The following RIC8A variants were observed in gnomAD, a reference collection of about 807,000 sequenced individuals.
RIC8A encodes the protein RIC8 guanine nucleotide exchange factor A.
A neutral mutation model predicts 48.4 loss-of-function variants in RIC8A; 37 were observed. That is an observed-to-expected ratio of 0.77 (90% CI 0.59 to 1.01). The LOEUF (loss-of-function observed/expected upper bound fraction) is 1.01, where lower values mean the gene tolerates loss of function less well. RIC8A is among the 50% of genes least tolerant of loss of function. RIC8A has a pLI of 0.00. For missense variants in RIC8A, 681 were observed against 696.8 expected (o/e 0.98, Z 0.25); for synonymous variants, 288 against 283.4 (o/e 1.02, Z -0.16).
Position 211,485 on chromosome 11 carries a change from C to G in RIC8A, c.969+136C>G. On this transcript the variant is annotated intron_variant, in intron 5 of 9. Transcript: ENST00000526104. The surrounding 1 kb of genome is among the most constrained non-coding windows in gnomAD (Gnocchi z 4.0). ...TGGTGGTGTGATATGGGCGACTCTT[C>G]CGGTTGTTCTGTGGTCCAGCCTGGC... The G allele has an allele frequency of 2.1e-6, 2 of 972,714 alleles. No homozygotes were observed. Among genetic ancestry groups the G allele is most frequent in the Non-Finnish European group, 2.9e-6 (2 of 681,930 alleles). The allele number at this position is 972,714 out of a possible 1,614,324, so 60.3% of individuals were successfully genotyped here.
At position 212,595 on chromosome 11, in the gene RIC8A, A is replaced by C. The variant is rs1855390234; in HGVS notation, c.1066-20A>C. The C allele has an allele frequency of 6.2e-7, 1 of 1,613,584 alleles. No individual in the cohort carries two copies. The highest frequency in any genetic ancestry group is 1.3e-5 in the African/African-American group (1 of 74,934). On this transcript the variant is annotated intron_variant, in intron 6 of 9. Coordinates refer to ENST00000526104, the MANE Select transcript of RIC8A (RefSeq NM_001286134.2). ...CCTTGGCTGCTCTAAGCCCAAGCTTAGGGATGGCCACCTCCCCAGGTGCTG... is the reference window on the plus strand; with the variant it reads ...CCTTGGCTGCTCTAAGCCCAAGCTTCGGGATGGCCACCTCCCCAGGTGCTG...
At chr11:213,164 C>G (rs1449677970) in intron 8 of RIC8A, 135 bp from the exon 9 acceptor site, 1 of 1,410,424 alleles carries the variant, frequency 7.1e-7, no homozygotes, top group African/African-American at 1.4e-5. Context: ...GAGCTGGTTA[C>G]CTGTGCCGCT....
Position 208,579 on chromosome 11 carries a change from A to T in RIC8A, c.-276A>T. ...CGTTTCCTGTTGGAACTTCTGGCCCAAGAAGCGCGGGTCACAAGGAGAGGG... is the reference window on the plus strand; with the variant it reads ...CGTTTCCTGTTGGAACTTCTGGCCCTAGAAGCGCGGGTCACAAGGAGAGGG... On this transcript the variant is annotated 5_prime_UTR_variant, in exon 1 of 10. Transcript: ENST00000526104. This position sits in a 1 kb window ranked among gnomAD's most constrained non-coding sequence, Gnocchi z 4.8. The T allele has an allele frequency of 2.9e-6, 1 of 350,526 alleles. No individual in the cohort carries two copies. The highest frequency in any genetic ancestry group is 5.1e-6 in the Non-Finnish European group (1 of 195,388). 21.7% of individuals were successfully genotyped at this position (350,526 alleles called of 1,614,324 possible).
Position 209,499 on chromosome 11 carries a change from G to C in RIC8A, c.225G>C (p.Arg75=). 1 of 1,612,982 alleles carries C rather than the reference G, an allele frequency of 6.2e-7. No homozygotes were observed. Among genetic ancestry groups the C allele is most frequent in the Non-Finnish European group, 8.5e-7 (1 of 1,179,236 alleles). ...TGCAGAGTGTCCGAATCCTGTCCCG[G>C]GACCGCAACTGCCTGGACCCGTTCA... The part of the protein sequence containing the change: ...IWLQSVRILS[R]DRNCLDPFTS... Residue 75 remains arginine, a synonymous_variant, in exon 3 of 10, where the codon CGG becomes CGC. Coordinates refer to ENST00000526104, the MANE Select transcript of RIC8A (RefSeq NM_001286134.2).
chr11:212,624 C>G lies in RIC8A; in HGVS notation c.1075C>G (p.Pro359Ala), dbSNP rs905030761. 3.7e-6 allele frequency: 6 copies of G among 1,613,882 alleles called. No homozygotes were observed. Among genetic ancestry groups the G allele is most frequent in the African/African-American group, 1.3e-5 (1 of 74,934 alleles). Residue 359 changes from proline (P) to alanine (A), a missense_variant, in exon 7 of 10, where the codon CCT (proline) becomes GCT (alanine). Physicochemically the swap from Pro to Ala is conservative, Grantham distance 27 (BLOSUM62 -1). Coordinates refer to ENST00000526104, the MANE Select transcript of RIC8A (RefSeq NM_001286134.2). ...RKFLKAQVLP[P>A]LRDVRTRPEV... ...ATGGCCACCTCCCCAGGTGCTGCCC[C>G]CTCTGCGGGATGTGAGGACACGGCC... is the stretch of plus-strand genomic sequence containing the variant.
Position 209,713 on chromosome 11 carries a change from C to T in RIC8A, c.439C>T (p.Arg147Cys). The T allele has an allele frequency of 6.2e-7, 1 of 1,614,030 alleles. No homozygotes were observed. The highest frequency in any genetic ancestry group is 8.5e-7 in the Non-Finnish European group (1 of 1,180,020). ...EARLVVKLTE[R>C]VGLYRERSFP... Reference sequence around the variant, plus strand: ...CCGCCTAGTGGTGAAGCTCACAGAGCGTGTGGGGCTGTACCGTGAGAGGAG... The same window carrying T: ...CCGCCTAGTGGTGAAGCTCACAGAGTGTGTGGGGCTGTACCGTGAGAGGAG... Residue 147 changes from arginine to cysteine, a missense_variant, in exon 3 of 10, where the codon CGT becomes TGT. Physicochemically the swap from Arg to Cys is radical, Grantham distance 180. Transcript: ENST00000526104.
chr11:212,333 G>T, intron 5 of RIC8A, 83 bp from the exon 6 acceptor site: 1 of 1,350,574 alleles, frequency 7.4e-7, no homozygotes. Context: ...ATGTTGGTGG[G>T]AAGGGGTGGT....
In RIC8A at chr11:214,929, A is replaced by G. The variant is rs544868103; in HGVS notation, c.*579A>G. On this transcript the variant is annotated 3_prime_UTR_variant, in exon 10 of 10. Transcript: ENST00000526104. ...CTCCTTGGTCCTCGTTCAGCTGCCC[A>G]CTGTAGTATCCACAGTGCCCGAGTT... is the stretch of plus-strand genomic sequence containing the variant. 1 of 192,552 alleles carries G rather than the reference A, an allele frequency of 5.2e-6. No homozygotes were observed. Among genetic ancestry groups the G allele is most frequent in the Non-Finnish European group, 1.1e-5 (1 of 91,868 alleles). 11.9% of individuals were successfully genotyped at this position (192,552 alleles called of 1,614,324 possible). A position where few individuals can be genotyped will look rare whatever the true frequency, so the allele number is the denominator to read the frequency against.
intron 5 of RIC8A, chr11:212,082 G>A (rs527478862): frequency 9.3e-5 from 30 of 321,556 alleles, no homozygotes; most frequent in African/African-American, 5.9e-4. Context: ...CAATGTGTGT[G>A]CGAGTCTAAA....
rs529040565 is a variant in RIC8A, at chr11:208,019, G to A, written c.-836G>A. 1 of 152,490 alleles carries A rather than the reference G, an allele frequency of 6.6e-6. No homozygotes were observed. The highest frequency in any genetic ancestry group is 2.0e-4 in the South Asian group (1 of 4,936). The allele number at this position is 152,490 out of a possible 1,614,324, so 9.4% of individuals were successfully genotyped here. A position where few individuals can be genotyped will look rare whatever the true frequency, so the allele number is the denominator to read the frequency against. Reference sequence around the variant, plus strand: ...TAGACGCCTTTGCTCCCGGGCACTTGTTAGAAGAGCGAGTGGATCGCGCTT... The same window carrying A: ...TAGACGCCTTTGCTCCCGGGCACTTATTAGAAGAGCGAGTGGATCGCGCTT... On this transcript the variant is annotated 5_prime_UTR_variant, in exon 1 of 10. Transcript: ENST00000526104. This position sits in a 1 kb window ranked among gnomAD's most constrained non-coding sequence, Gnocchi z 4.8.
At position 212,078 on chromosome 11, in the gene RIC8A, G is replaced by C. The variant is rs1855372941; in HGVS notation, c.970-338G>C. On this transcript the variant is annotated intron_variant, in intron 5 of 9. Transcript: ENST00000526104. ...TGCCACCAACATCTGAGGGCAATGT[G>C]TGTGCGAGTCTAAAGCTTTAATTGC... 4 of 315,048 alleles carry C rather than the reference G, an allele frequency of 1.3e-5. No homozygotes were observed. The South Asian group carries it at 1.3e-4, about 11-fold the overall frequency. 19.5% of individuals were successfully genotyped at this position (315,048 alleles called of 1,614,324 possible).
chr11:215,045 A>C lies in RIC8A; in HGVS notation c.*695A>C, dbSNP rs191155373. ...GCCCCTCGTGTGACCATAGATTGAG[A>C]TTTATACCACATACCACACATAGCC... On this transcript the variant is annotated 3_prime_UTR_variant, in exon 10 of 10. Coordinates refer to ENST00000526104, the MANE Select transcript of RIC8A (RefSeq NM_001286134.2). 110 of 160,428 alleles carry C rather than the reference A, an allele frequency of 6.9e-4. 1 individual carries two copies. The highest frequency in any genetic ancestry group is 1.6e-3 in the Admixed American group (29 of 17,782). 9.9% of individuals were successfully genotyped at this position (160,428 alleles called of 1,614,324 possible). A position where few individuals can be genotyped will look rare whatever the true frequency, so the allele number is the denominator to read the frequency against.
chr11:213,166 T>G, intron 8 of RIC8A, 133 bp from the exon 9 acceptor site: 1 of 1,418,892 alleles, frequency 7.0e-7, no homozygotes, highest in Non-Finnish European at 9.5e-7. Context: ...GCTGGTTACC[T>G]GTGCCGCTTC....
Position 210,703 on chromosome 11 carries a change from T to C in RIC8A, c.818+41T>C, listed in dbSNP as rs1855336730. On this transcript the variant is annotated intron_variant, in intron 4 of 9. Coordinates refer to ENST00000526104, the MANE Select transcript of RIC8A (RefSeq NM_001286134.2). ...TTTCTGGGAGGGAAGTGTGCCCACATGTCTAGATGGTCGTCCTCAACCCCG... is the reference window on the plus strand; with the variant it reads ...TTTCTGGGAGGGAAGTGTGCCCACACGTCTAGATGGTCGTCCTCAACCCCG... 4 of 1,582,366 alleles carry C rather than the reference T, an allele frequency of 2.5e-6. No individual in the cohort carries two copies. The East Asian group carries it at 6.7e-5, about 27-fold the overall frequency.
In RIC8A at chr11:209,876, G is replaced by T; in HGVS notation, c.602G>T (p.Gly201Val). 1.2e-6 allele frequency: 2 copies of T among 1,607,536 alleles called. No individual in the cohort carries two copies. Among genetic ancestry groups the T allele is most frequent in the Admixed American group, 1.7e-5 (1 of 59,140 alleles). Residue 201 changes from glycine (G) to valine (V), a missense_variant, in exon 3 of 10, where the codon GGG (glycine) becomes GTG (valine). By Grantham distance (109) the Gly-to-Val change is moderately radical. Coordinates refer to ENST00000526104, the MANE Select transcript of RIC8A (RefSeq NM_001286134.2). ...LLTDTLELTL[G>V]VTPEGNPPPT... ...ACTGACACACTGGAGCTGACGCTGG[G>T]GGTGACTCCTGAAGGGAACCCCCCA... is the stretch of plus-strand genomic sequence containing the variant.
rs756046488 is a variant in RIC8A at position 211,200 on chromosome 11, C to G, written c.820C>G (p.His274Asp). 6.2e-7 allele frequency: 1 copy of G among 1,612,700 alleles called. No individual in the cohort carries two copies. Among genetic ancestry groups the G allele is most frequent in the South Asian group, 1.1e-5 (1 of 90,906 alleles). The change falls in exon 5 of 10, where the codon CAC (histidine) becomes GAC (aspartate). Residue 274 changes from histidine (H) to aspartate (D), a missense_variant and splice_region_variant. Coordinates refer to ENST00000526104, the MANE Select transcript of RIC8A (RefSeq NM_001286134.2). This position sits in a 1 kb window ranked among gnomAD's most constrained non-coding sequence, Gnocchi z 4.0. ...AGDRTEEFHG[H>D]AVNLLGNLPL... is the part of the protein sequence containing the mutation. ...ACCCCTACCTCCATCTGTCCCCAGC[C>G]ACGCAGTGAACCTCCTGGGGAACTT...
rs1373442586 is a variant in RIC8A at position 212,899 on chromosome 11, C to G, written c.1273C>G (p.Leu425Val). ...TGCTGGCCTTCTGGCTGCCAGGGGC[C>G]TCATGGCAGGAGGCCGGCCCGAGGG... ...NAAGLLAARG[L>V]MAGGRPEGQY... Residue 425 changes from leucine (L) to valine (V), a missense_variant, in exon 8 of 10, where the codon CTC becomes GTC. Physicochemically the swap from Leu to Val is conservative, Grantham distance 32. Transcript: ENST00000526104. 6.2e-7 allele frequency: 1 copy of G among 1,606,666 alleles called. No homozygotes were observed. Among genetic ancestry groups the G allele is most frequent in the Non-Finnish European group, 8.5e-7 (1 of 1,176,256 alleles).
intron 3 of RIC8A, 68 bp from the exon 4 acceptor site, chr11:210,503 G>A (rs1191031430): frequency 2.2e-6 from 3 of 1,393,786 alleles, no homozygotes; most frequent in Non-Finnish European, 2.0e-6. Context: ...GCAACAGACA[G>A]TGGAGCCTCA....
intron 1 of RIC8A, 129 bp from the exon 2 acceptor site, chr11:209,142 G>T (rs1301656217): frequency 8.4e-7 from 1 of 1,191,318 alleles, no homozygotes; most frequent in Non-Finnish European, 1.3e-6. Context: ...AGGGATGGGG[G>T]CGAGTGCCGA....
Sources: allele counts gnomAD v4.1 joint callset, GRCh38; gene constraint gnomAD v4.1.1; non-coding constraint Gnocchi (gnomAD v3.1); transcripts MANE v1.5; gene names NCBI Gene and HGNC (gene_info 2026-07-23, HGNC 2026-07-21).